The following UBAC2 variants were observed in gnomAD, a reference collection of about 807,000 sequenced individuals.
UBAC2 encodes the protein ubiquitin-associated domain-containing protein 2.
A neutral mutation model predicts 44.0 loss-of-function variants in UBAC2; 26 were observed. The observed-to-expected ratio is 0.59, with a 90% confidence interval of 0.43 to 0.82. The LOEUF is 0.82. UBAC2 is among the 40% of genes least tolerant of loss of function. UBAC2 has a pLI of 0.00. For synonymous variants in UBAC2, 155 were observed against 154.3 expected (o/e 1.00, Z -0.04); for missense variants, 329 against 419.4 (o/e 0.78, Z 1.88).
intron 6 of UBAC2, among the ~76,000 whole-genome samples, chr13:99,326,092 A>T (rs2044637676): frequency 6.6e-6 from 1 of 152,042 alleles, no homozygotes; most frequent in African/African-American, 2.4e-5. Flanking sequence ...TTCTATTTTT[A>T]ATTTTTTGAG....
chr13:99,371,321 T>C (rs1161521163), intron 8 of UBAC2, among the ~76,000 whole-genome samples: 2 of 152,226 alleles, frequency 1.3e-5, no homozygotes, highest in Non-Finnish European at 2.9e-5. Context: ...TACACTTTCT[T>C]ATACATTGAT....
intron 4 of UBAC2, among the ~76,000 whole-genome samples, chr13:99,309,389 G>A (rs931295109): frequency 1.2e-4 from 18 of 151,988 alleles, no homozygotes; most frequent in Admixed American, 1.3e-4. Flanking sequence ...GATTACAGGT[G>A]TGAGCCACCG....
chr13:99,318,650 C>G (rs1248226443), intron 6 of UBAC2, among the ~76,000 whole-genome samples: 1 of 151,006 alleles, frequency 6.6e-6, no homozygotes, highest in Non-Finnish European at 1.5e-5. Context: ...GAAACCCCAT[C>G]TCTGCTAAAA....
At position 99,368,688 on chromosome 13, in the gene UBAC2, AGTGTGTGTGTGT is replaced by A. The variant is rs35193753; in HGVS notation, c.927+809_927+820del. Among the ~76,000 whole-genome samples, 93 of 146,698 alleles carry A rather than the reference AGTGTGTGTGTGT, an allele frequency of 6.3e-4. 1 individual carries two copies. Among genetic ancestry groups the A allele is most frequent in the East Asian group, 5.4e-3 (27 of 5,000 alleles). ...CACTATCATCGTAAACTCATGAGAGAGTGTGTGTGTGTGTGTGTGTGTGTGTGTGTGTGTGTG... is the reference window on the plus strand; with the variant it reads ...CACTATCATCGTAAACTCATGAGAGAGTGTGTGTGTGTGTGTGTGTGTGTG... On this transcript the variant is annotated intron_variant, in intron 8 of 8. Transcript: ENST00000403766.
intron 1 of UBAC2, among the ~76,000 whole-genome samples, chr13:99,209,191 T>C (rs2042910590): frequency 6.6e-6 from 1 of 152,134 alleles, no homozygotes; most frequent in Non-Finnish European, 1.5e-5. Flanking sequence ...GCACATGAAA[T>C]AGGCCATCGA....
chr13:99,227,901 A>G lies in UBAC2; in HGVS notation c.32-10526A>G, dbSNP rs572512373. Among the ~76,000 whole-genome samples, 3 of 152,302 alleles carry G rather than the reference A, an allele frequency of 2.0e-5. No individual in the cohort carries two copies. In the South Asian group the frequency reaches 6.2e-4, roughly 32 times the overall value. ...GAGTGTGAATTAGGGAGGTTTGAGG[A>G]GAGAGGAAGAGATAGTGTGAGGTAA... On this transcript the variant is annotated intron_variant, in intron 1 of 8. Transcript: ENST00000403766.
intron 1 of UBAC2, among the ~76,000 whole-genome samples, chr13:99,204,901 CTTTTTT>C (rs569772649): frequency 2.6e-5 from 2 of 75,948 alleles, no homozygotes; most frequent in Admixed American, 1.5e-4. Flanking sequence ...GTTTCGTTTC[CTTTTTT>C]TTTTTTTTTT....
At chr13:99,232,139 T>C (rs937932453) in intron 1 of UBAC2, among the ~76,000 whole-genome samples, 4 of 152,058 alleles carry the variant, frequency 2.6e-5, no homozygotes, top group African/African-American at 9.7e-5. Flanking sequence ...CTATTAGAAG[T>C]GTGTATCTAT....
At chr13:99,258,057 G>T (rs548961864) in intron 4 of UBAC2, 1 of 152,122 alleles carries the variant, frequency 6.6e-6, no homozygotes, top group African/African-American at 2.4e-5. Flanking sequence ...GGGCCATTGC[G>T]CCCAGCCTGT....
intron 6 of UBAC2, among the ~76,000 whole-genome samples, chr13:99,320,891 C>G (rs1464157996): frequency 6.6e-6 from 1 of 152,236 alleles, no homozygotes; most frequent in East Asian, 1.9e-4. Context: ...ATGACTTCCC[C>G]TCTTCCTTTA....
chr13:99,355,691 G>A (rs2045169250), intron 7 of UBAC2, among the ~76,000 whole-genome samples: 1 of 152,214 alleles, frequency 6.6e-6, no homozygotes, highest in Non-Finnish European at 1.5e-5. Context: ...AGGAGTGATG[G>A]GTCAGTCACG....
At chr13:99,220,477 A>T (rs2043041485) in intron 1 of UBAC2, among the ~76,000 whole-genome samples, 1 of 152,248 alleles carries the variant, frequency 6.6e-6, no homozygotes, top group Non-Finnish European at 1.5e-5. Flanking sequence ...CCTGATTAGT[A>T]TTTATTGCCT....
In UBAC2 at chr13:99,314,262, C is replaced by CTTT. The variant is rs57005833; in HGVS notation, c.513+58_513+60dup. The stretch of plus-strand genomic sequence containing the variant: ...TATGTTCACTTTTCTTTAACCAGAT[C>CTTT]TTTTTTTTTTTTTTTTTTGGTCTTT... On this transcript the variant is annotated intron_variant, in intron 5 of 8. Coordinates refer to ENST00000403766, the MANE Select transcript of UBAC2 (RefSeq NM_001144072.2). The CTTT allele has an allele frequency of 4.8e-3, 5,495 of 1,146,384 alleles. 2 individuals carry two copies. Among genetic ancestry groups the CTTT allele is most frequent in the South Asian group, 8.8e-3 (427 of 48,616 alleles). 71.0% of individuals were successfully genotyped at this position (1,146,384 alleles called of 1,614,324 possible). A position where few individuals can be genotyped will look rare whatever the true frequency, so the allele number is the denominator to read the frequency against.
At chr13:99,352,300 A>G (rs2045105336) in intron 7 of UBAC2, among the ~76,000 whole-genome samples, 3 of 152,158 alleles carry the variant, frequency 2.0e-5, no homozygotes, top group Admixed American at 6.5e-5. Context: ...AACATTTTTC[A>G]TCACCCCAAA....
Position 99,295,161 on chromosome 13 carries a change from C to T in UBAC2, c.390-18936C>T. ...GACTTCACAGCACTAGAAATCGATACACTGACTTGCCGTTTCAGCATCCTC... is the reference window on the plus strand; with the variant it reads ...GACTTCACAGCACTAGAAATCGATATACTGACTTGCCGTTTCAGCATCCTC... On this transcript the variant is annotated intron_variant, in intron 4 of 8. Transcript: ENST00000403766. This position sits in a 1 kb window ranked among gnomAD's most constrained non-coding sequence, Gnocchi z 4.1. 1 of 1,614,152 alleles carries T rather than the reference C, an allele frequency of 6.2e-7. No individual in the cohort carries two copies. Among genetic ancestry groups the T allele is most frequent in the South Asian group, 1.1e-5 (1 of 91,084 alleles).
At chr13:99,352,610 C>T (rs1408476084) in intron 7 of UBAC2, among the ~76,000 whole-genome samples, 1 of 151,726 alleles carries the variant, frequency 6.6e-6, no homozygotes, top group Non-Finnish European at 1.5e-5. Flanking sequence ...ATCAGGCCAG[C>T]TTCCTTAGGA....
At chr13:99,261,025 A>G (rs1011187069) in intron 4 of UBAC2, among the ~76,000 whole-genome samples, 13 of 152,260 alleles carry the variant, frequency 8.5e-5, no homozygotes, top group Admixed American at 2.6e-4. Context: ...ATAGATCTGT[A>G]TAGCAAATTC....
intron 4 of UBAC2, among the ~76,000 whole-genome samples, chr13:99,257,272 C>G (rs1292961348): frequency 4.6e-5 from 7 of 152,116 alleles, no homozygotes; most frequent in Admixed American, 4.6e-4. Flanking sequence ...AATTATATCT[C>G]TAGTGTCATT....
intron 2 of UBAC2, among the ~76,000 whole-genome samples, chr13:99,239,901 G>A (rs1391103333): frequency 1.3e-5 from 2 of 152,204 alleles, no homozygotes; most frequent in Non-Finnish European, 2.9e-5. Context: ...ATAGGGACCA[G>A]TATTGGGGGC....
Sources: allele counts gnomAD v4.1 joint callset (sites outside exome capture counted in the v4.1 genomes callset), GRCh38; gene constraint gnomAD v4.1.1; non-coding constraint Gnocchi (gnomAD v3.1); transcripts MANE v1.5; gene names NCBI Gene and HGNC (gene_info 2026-07-23, HGNC 2026-07-21).